The following ALK variants were observed in gnomAD, a reference collection of about 807,000 sequenced individuals.
ALK encodes the protein ALK receptor tyrosine kinase.
In ALK, 74 loss-of-function variants were observed where a neutral mutation model predicts 163.1. The ratio of observed to expected loss-of-function variants is 0.45; its 90% CI spans 0.38 to 0.55. The LOEUF (loss-of-function observed/expected upper bound fraction) is 0.55. Among genes scored for constraint, ALK ranks in the 20% least tolerant of loss-of-function variants. ALK has a pLI of 0.00. For synonymous variants in ALK, 960 were observed against 843.2 expected, an observed-to-expected ratio of 1.14 and a Z score of -2.40; for missense variants, 2,063 against 2,105.3, an observed-to-expected ratio of 0.98 and a Z score of 0.39.
At chr2:29,533,572 C>T (rs939735293) in intron 3 of ALK, among the ~76,000 whole-genome samples, 2 of 152,180 alleles carry the variant, frequency 1.3e-5, no homozygotes, top group Non-Finnish European at 2.9e-5. Context: ...GGATGTATAG[C>T]TTTGGAAGTC....
chr2:29,216,689 G>A (rs1669618604), intron 23 of ALK, among the ~76,000 whole-genome samples: 1 of 124,352 alleles, frequency 8.0e-6, no homozygotes, highest in South Asian at 2.8e-4. Context: ...TGTATATGTG[G>A]GGTGTATGGT....
intron 4 of ALK, among the ~76,000 whole-genome samples, chr2:29,499,893 CCT>C (rs1289309760): frequency 7.2e-5 from 11 of 152,162 alleles, no homozygotes; most frequent in Admixed American, 7.2e-4. Flanking sequence ...CTCTCCTTCC[CCT>C]GTTCTTCCCT....
chr2:29,478,236 C>G (rs1343339710), intron 4 of ALK, among the ~76,000 whole-genome samples: 1 of 152,236 alleles, frequency 6.6e-6, no homozygotes, highest in East Asian at 1.9e-4. Flanking sequence ...TTGCCCTCCT[C>G]TCATCTCTAG....
At chr2:29,570,278 A>T (rs1444327116) in intron 3 of ALK, among the ~76,000 whole-genome samples, 1 of 152,242 alleles carries the variant, frequency 6.6e-6, no homozygotes, top group Non-Finnish European at 1.5e-5. Context: ...AATGCTCCGG[A>T]TGTCACAAAG....
intron 9 of ALK, among the ~76,000 whole-genome samples, chr2:29,277,762 G>A (rs560553284): frequency 1.3e-5 from 2 of 152,344 alleles, no homozygotes; most frequent in East Asian, 3.9e-4. Context: ...TGCCAGATGA[G>A]TGTGCAAGAG....
chr2:29,587,492 T>A (rs1345843767), intron 3 of ALK, among the ~76,000 whole-genome samples: 4 of 152,186 alleles, frequency 2.6e-5, no homozygotes, highest in African/African-American at 4.8e-5. Context: ...CCCCCTGAGG[T>A]GAACTAGTTG....
chr2:29,339,234 CTCTA>C lies in ALK; in HGVS notation c.1283-10757_1283-10754del, dbSNP rs901035853. 4.2e-5 allele frequency among the ~76,000 whole-genome samples: 6 copies of C among 143,594 alleles called. No individual in the cohort carries two copies. The South Asian group carries it at 9.0e-4, about 22-fold the overall frequency. The allele number at this position is 143,594 out of a possible 152,430, so 94.2% of individuals were successfully genotyped here. A position where few individuals can be genotyped will look rare whatever the true frequency, so the allele number is the denominator to read the frequency against. ...CTCCAGCCTGGGTGACAGGGCGAGA[CTCTA>C]TCTCAAAAAAAAAAAAAAGTGATGT... is the stretch of plus-strand genomic sequence containing the variant. On this transcript the variant is annotated intron_variant, in intron 5 of 28. Coordinates refer to ENST00000389048, the MANE Select transcript of ALK (RefSeq NM_004304.5).
At chr2:29,757,887 A>C (rs1311305846) in intron 1 of ALK, among the ~76,000 whole-genome samples, 1 of 151,932 alleles carries the variant, frequency 6.6e-6, no homozygotes, top group Non-Finnish European at 1.5e-5. Flanking sequence ...CTGACCCCTG[A>C]TCTAAAGGAT....
chr2:29,204,398 G>GT (rs34003154), intron 26 of ALK, among the ~76,000 whole-genome samples: 16,141 of 152,100 alleles, frequency 0.11, 1,008 homozygotes, highest in Non-Finnish European at 0.13. Context: ...GACTTTCCTC[G>GT]TTTTTTATGA....
rs114405445 is a variant in ALK, at chr2:29,257,811, C to A, written c.2042-6544G>T. Among the ~76,000 whole-genome samples the A allele has an allele frequency of 4.1e-3, 626 of 152,322 alleles. 5 individuals carry two copies. The highest frequency in any genetic ancestry group is 0.014 in the African/African-American group (593 of 41,570). On this transcript the variant is annotated intron_variant, in intron 11 of 28. Coordinates refer to ENST00000389048, the MANE Select transcript of ALK (RefSeq NM_004304.5). ...ACCCTAGGTCCCAGTAAATAAAAAT[C>A]ATGACCAAAATCCAGGCAAATATAA...
At chr2:29,381,512 G>A (rs766536288) in intron 5 of ALK, among the ~76,000 whole-genome samples, 3 of 152,180 alleles carry the variant, frequency 2.0e-5, no homozygotes, top group African/African-American at 4.8e-5. Context: ...AAAATGGCAC[G>A]TCTCTGCTGT....
Position 29,920,694 on chromosome 2 carries a change from G to T in ALK, c.-35C>A. ...GGAGGCCGTTTACACTGCTCTCCGG[G>T]CCCAGCCTCACCCTTCGCTCTCCCC... On this transcript the variant is annotated 5_prime_UTR_variant, in exon 1 of 29. Coordinates refer to ENST00000389048, the MANE Select transcript of ALK (RefSeq NM_004304.5). 2 of 1,512,012 alleles carry T rather than the reference G, an allele frequency of 1.3e-6. No individual in the cohort carries two copies. Among genetic ancestry groups the T allele is most frequent in the Non-Finnish European group, 1.8e-6 (2 of 1,127,442 alleles). 93.7% of individuals were successfully genotyped at this position (1,512,012 alleles called of 1,614,324 possible).
chr2:29,294,632 G>C (rs776824385), intron 9 of ALK, among the ~76,000 whole-genome samples: 2 of 152,214 alleles, frequency 1.3e-5, no homozygotes, highest in Admixed American at 6.5e-5. Context: ...ATAACTGAAA[G>C]ATGCAGAAAA....
chr2:29,634,937 G>A (rs2148240065), intron 3 of ALK, among the ~76,000 whole-genome samples: 1 of 152,270 alleles, frequency 6.6e-6, no homozygotes. Flanking sequence ...AATTCAGCAA[G>A]GCTGCAGGAT....
intron 1 of ALK, among the ~76,000 whole-genome samples, chr2:29,770,088 G>C (rs1400320206): frequency 1.3e-5 from 2 of 152,180 alleles, no homozygotes; most frequent in Non-Finnish European, 2.9e-5. Flanking sequence ...GAGACCAAAG[G>C]CTTCTTTACT....
At chr2:29,235,349 G>A (rs976028455) in intron 13 of ALK, among the ~76,000 whole-genome samples, 2 of 152,182 alleles carry the variant, frequency 1.3e-5, no homozygotes, top group East Asian at 1.9e-4. Flanking sequence ...ACGCTAAAGC[G>A]CTCAGGGGTG....
Position 29,223,240 on chromosome 2 carries a change from G to T in ALK, c.3359+102C>A, listed in dbSNP as rs925584631. 5.5e-5 allele frequency: 73 copies of T among 1,315,736 alleles called. No individual in the cohort carries two copies. The African/African-American group carries it at 8.9e-4, about 16-fold the overall frequency. The allele number at this position is 1,315,736 out of a possible 1,614,324, so 81.5% of individuals were successfully genotyped here. A position where few individuals can be genotyped will look rare whatever the true frequency, so the allele number is the denominator to read the frequency against. ...AGGGCTAGGGGTGCCCATAGGGAGG[G>T]CTCTGCCGGCCTTTTGTGGCTAGAG... On this transcript the variant is annotated intron_variant, in intron 20 of 28. Coordinates refer to ENST00000389048, the MANE Select transcript of ALK (RefSeq NM_004304.5).
At position 29,437,878 on chromosome 2, in the gene ALK, A is replaced by G. The variant is rs183318122; in HGVS notation, c.1155-54019T>C. On this transcript the variant is annotated intron_variant, in intron 4 of 28. Transcript: ENST00000389048. The stretch of plus-strand genomic sequence containing the variant: ...AGGGCATAGACAAGCGGCAAAACTA[A>G]CTCAGATTCAAACAGTCATTTATAT... Among the ~76,000 whole-genome samples, 1,009 of 152,310 alleles carry G rather than the reference A, an allele frequency of 6.6e-3. 7 individuals carry two copies. Among genetic ancestry groups the G allele is most frequent in the Non-Finnish European group, 0.011 (723 of 68,030 alleles).
chr2:29,271,620 C>T (rs938521994), intron 11 of ALK, among the ~76,000 whole-genome samples: 2 of 152,214 alleles, frequency 1.3e-5, no homozygotes, highest in Non-Finnish European at 2.9e-5. Context: ...ACATTAACCC[C>T]CCTCATCTGC....
Sources: allele counts gnomAD v4.1 joint callset (sites outside exome capture counted in the v4.1 genomes callset), GRCh38; gene constraint gnomAD v4.1.1; transcripts MANE v1.5; gene names NCBI Gene and HGNC (gene_info 2026-07-23, HGNC 2026-07-21).